The following PNLIPRP3 variants were observed in gnomAD, a reference collection of about 807,000 sequenced individuals.
The protein encoded by PNLIPRP3 is pancreatic lipase related protein 3.
In PNLIPRP3, 58 loss-of-function variants were observed where a neutral mutation model predicts 52.8. The observed-to-expected ratio is 1.10, with a 90% CI of 0.89 to 1.37. PNLIPRP3 has a LOEUF of 1.37. PNLIPRP3 is among the 40% of genes most tolerant of loss of function. The pLI is 0.00. For missense variants in PNLIPRP3, 593 were observed against 561.6 expected (o/e 1.06, Z -0.57); for synonymous variants, 192 against 185.0 (o/e 1.04, Z -0.31).
chr10:116,438,218 G>A (rs934048768), intron 2 of PNLIPRP3, among the ~76,000 whole-genome samples: 5 of 152,182 alleles, frequency 3.3e-5, no homozygotes, highest in African/African-American at 1.2e-4. Flanking sequence ...TCTGGCTGGG[G>A]TTGCAAATTG....
At chr10:116,440,356 T>C (rs1845840493) in intron 2 of PNLIPRP3, among the ~76,000 whole-genome samples, 1 of 152,130 alleles carries the variant, frequency 6.6e-6, no homozygotes, top group African/African-American at 2.4e-5. Flanking sequence ...GAAAACTAAG[T>C]ACTTCCCTAA....
intron 1 of PNLIPRP3, 40 bp from the exon 2 acceptor site, chr10:116,436,671 C>T (rs1456587917): frequency 1.3e-6 from 2 of 1,537,204 alleles, no homozygotes; most frequent in African/African-American, 1.4e-5. Flanking sequence ...TCTCTCTAAG[C>T]CTGGTTCCTC....
rs563789784 is a variant in PNLIPRP3 at position 116,465,404 on chromosome 10, G to GGCA, written c.809-645_809-644insCAG. Among the ~76,000 whole-genome samples the GGCA allele has an allele frequency of 3.2e-3, 494 of 152,084 alleles. 2 individuals are homozygous for GGCA. The highest frequency in any genetic ancestry group is 0.011 in the African/African-American group (443 of 41,494). On this transcript the variant is annotated intron_variant, in intron 7 of 11. Transcript: ENST00000369230. ...ACAAAAAATTAGCCGGCGTGGTGGTGGGCGCCTGTAGTCCCAGCTACTCGG... is the reference window on the plus strand; with the variant it reads ...ACAAAAAATTAGCCGGCGTGGTGGTGGCAGGCGCCTGTAGTCCCAGCTACTCGG...
chr10:116,432,998 C>T (rs1845727962), intron 1 of PNLIPRP3, among the ~76,000 whole-genome samples: 1 of 151,222 alleles, frequency 6.6e-6, no homozygotes, highest in Admixed American at 6.6e-5. Context: ...CCTGTAATCC[C>T]AGCTACGCGG....
chr10:116,476,827 T>C lies in PNLIPRP3; in HGVS notation c.1340+8T>C. 1.3e-6 allele frequency: 2 copies of C among 1,572,694 alleles called. No individual in the cohort carries two copies. The highest frequency in any genetic ancestry group is 1.7e-6 in the Non-Finnish European group (2 of 1,161,472). ...TGGGAAATATGGATATAAGTAAGTA[T>C]TGCTTTTTCCTTTTCATTTTCGTAG... On this transcript the variant is annotated splice_region_variant and intron_variant, in intron 11 of 11. Coordinates refer to ENST00000369230, the MANE Select transcript of PNLIPRP3 (RefSeq NM_001011709.3).
chr10:116,468,490 G>A (rs987502774), intron 8 of PNLIPRP3, among the ~76,000 whole-genome samples: 1 of 152,146 alleles, frequency 6.6e-6, no homozygotes, highest in Non-Finnish European at 1.5e-5. Flanking sequence ...CCAATCAGCT[G>A]TAGACAAATC....
rs747710242 is a variant in PNLIPRP3 at position 116,444,382 on chromosome 10, G to A, written c.325G>A (p.Val109Met). 7 of 1,603,998 alleles carry A rather than the reference G, an allele frequency of 4.4e-6. No homozygotes were observed. Among genetic ancestry groups the A allele is most frequent in the East Asian group, 2.2e-5 (1 of 44,738 alleles). Residue 109 changes from valine (V) to methionine (M), a missense_variant and splice_region_variant, in exon 4 of 12, where the codon GTG (valine) becomes ATG (methionine). Physicochemically the swap from Val to Met is conservative, Grantham distance 21. Transcript: ENST00000369230. ...ATATTTATATAAATCTTTGTGCCAG[G>A]TGTTGCTACAGCTGGAAGATATAAA... is the stretch of plus-strand genomic sequence containing the variant. ...DGKWQRDMCN[V>M]LLQLEDINCI...
intron 3 of PNLIPRP3, among the ~76,000 whole-genome samples, chr10:116,443,542 A>C (rs917330671): frequency 6.6e-6 from 1 of 150,758 alleles, no homozygotes; most frequent in Non-Finnish European, 1.5e-5. Flanking sequence ...GCAGTTAAAT[A>C]TTTATAAGGC....
At chr10:116,455,860 T>C (rs749713822) in intron 5 of PNLIPRP3, 30 bp downstream of exon 5, 92 of 1,521,910 alleles carry the variant, frequency 6.0e-5, no homozygotes, top group Non-Finnish European at 8.1e-5. Context: ...GGGCCTTGAG[T>C]GTGTTTAAAT....
At chr10:116,444,580 G>A (rs973065123) in intron 4 of PNLIPRP3, 67 bp downstream of exon 4, 2 of 1,472,220 alleles carry the variant, frequency 1.4e-6, no homozygotes, top group Non-Finnish European at 1.9e-6. Context: ...CAGAAGTTGG[G>A]ACAATTTAAT....
chr10:116,444,261 G>A (rs1845909172), intron 3 of PNLIPRP3, 121 bp from the exon 4 acceptor site: 2 of 812,928 alleles, frequency 2.5e-6, no homozygotes, highest in Admixed American at 6.5e-5. Context: ...TTTGGTCGGG[G>A]ACACAAAGTC....
chr10:116,455,642 T>TC, intron 4 of PNLIPRP3, 80 bp from the exon 5 acceptor site: 1 of 1,064,864 alleles, frequency 9.4e-7, no homozygotes, highest in Non-Finnish European at 1.4e-6. Context: ...TTGATCCTTT[T>TC]TTTTTTCTAT....
chr10:116,429,676 A>T (rs1286464575), intron 1 of PNLIPRP3, among the ~76,000 whole-genome samples: 1 of 152,180 alleles, frequency 6.6e-6, no homozygotes, highest in Non-Finnish European at 1.5e-5. Context: ...CTGCCCCAGG[A>T]CAGTCCTAAT....
In PNLIPRP3 at chr10:116,444,462, C is replaced by G; in HGVS notation, c.405C>G (p.Asn135Lys). ...NGSREYIHAV[N>K]NLRVVGAEVA... is the part of the protein sequence containing the mutation. Reference sequence around the variant, plus strand: ...CACGGGAATACATCCATGCTGTAAACAATCTCCGTGTTGTTGGTGCTGAGG... The same window carrying G: ...CACGGGAATACATCCATGCTGTAAAGAATCTCCGTGTTGTTGGTGCTGAGG... The change falls in exon 4 of 12, where the codon AAC becomes AAG. Residue 135 changes from asparagine (N) to lysine (K), a missense_variant. Transcript: ENST00000369230. 6.2e-7 allele frequency: 1 copy of G among 1,613,598 alleles called. No homozygotes were observed. Among genetic ancestry groups the G allele is most frequent in the Non-Finnish European group, 8.5e-7 (1 of 1,179,600 alleles).
chr10:116,428,169 T>A (rs2133104780), intron 1 of PNLIPRP3, 108 bp downstream of exon 1: 1 of 782,786 alleles, frequency 1.3e-6, no homozygotes, highest in South Asian at 1.8e-5. Context: ...GCTAATTTCA[T>A]TCTTAAGTAG....
In PNLIPRP3 at chr10:116,427,877, C is replaced by T; in HGVS notation, c.-136C>T. On this transcript the variant is annotated 5_prime_UTR_variant, in exon 1 of 12. Transcript: ENST00000369230. ...CTTTGCAGAGCATAAGGTGGAATAA[C>T]ATGTTCTTTTAAACGTAGAGTTTAA... 1.4e-6 allele frequency: 1 copy of T among 699,494 alleles called. No homozygotes were observed. Among genetic ancestry groups the T allele is most frequent in the Non-Finnish European group, 2.6e-6 (1 of 389,054 alleles). 43.3% of individuals were successfully genotyped at this position (699,494 alleles called of 1,614,324 possible). A position where few individuals can be genotyped will look rare whatever the true frequency, so the allele number is the denominator to read the frequency against.
At chr10:116,450,472 T>G (rs567015782) in intron 4 of PNLIPRP3, among the ~76,000 whole-genome samples, 3 of 151,848 alleles carry the variant, frequency 2.0e-5, no homozygotes, top group Non-Finnish European at 4.4e-5. Flanking sequence ...ACAGTAGAAA[T>G]GAACAAAATA....
At chr10:116,446,938 A>G (rs1186283226) in intron 4 of PNLIPRP3, among the ~76,000 whole-genome samples, 4 of 152,160 alleles carry the variant, frequency 2.6e-5, no homozygotes, top group Non-Finnish European at 4.4e-5. Context: ...TGCTTAGGGT[A>G]ATCACTTCAA....
Position 116,460,948 on chromosome 10 carries a change from T to G in PNLIPRP3, c.566-18T>G. ...ATGTGCACTTCCATAGAACATGTCT[T>G]GGTTGTGCTTTCTCTAGGGTTGGAC... On this transcript the variant is annotated intron_variant, in intron 5 of 11. Coordinates refer to ENST00000369230, the MANE Select transcript of PNLIPRP3 (RefSeq NM_001011709.3). The G allele has an allele frequency of 6.2e-7, 1 of 1,610,688 alleles. No homozygotes were observed. Among genetic ancestry groups the G allele is most frequent in the Non-Finnish European group, 8.5e-7 (1 of 1,179,460 alleles).
Sources: allele counts gnomAD v4.1 joint callset (sites outside exome capture counted in the v4.1 genomes callset), GRCh38; gene constraint gnomAD v4.1.1; transcripts MANE v1.5; gene names NCBI Gene and HGNC (gene_info 2026-07-23, HGNC 2026-07-21).